CUBN: variants seen among roughly 807,000 people sequenced by gnomAD.
CUBN encodes the protein 460 kDa receptor.
CUBN carries 282 observed loss-of-function variants against 405.3 expected under a neutral mutation model. The observed-to-expected ratio is 0.70, with a 90% CI of 0.63 to 0.77. The LOEUF (loss-of-function observed/expected upper bound fraction) is 0.77. Among genes scored for constraint, CUBN ranks in the 30% least tolerant of loss-of-function variants. The probability of loss-of-function intolerance (pLI) is 0.00; values close to 1 mark genes in which losing one functional copy is unlikely to be tolerated. For synonymous variants in CUBN, 1,684 were observed against 1,617.0 expected, an observed-to-expected ratio of 1.04 and a Z score of -0.99; for missense variants, 4,514 against 4,475.2, an observed-to-expected ratio of 1.01 and a Z score of -0.25.
At position 16,870,146 on chromosome 10, in the gene CUBN, G is replaced by A. The variant is rs780824; in HGVS notation, c.9237-293C>T. Among the ~76,000 whole-genome samples, 52,568 of 152,010 alleles carry A rather than the reference G, an allele frequency of 0.35. 9,272 individuals carry two copies. The highest frequency in any genetic ancestry group is 0.42 in the East Asian group (2,172 of 5,164). On this transcript the variant is annotated intron_variant, in intron 58 of 66. Transcript: ENST00000377833. ...AATTCACAGTCTAGGGCATATTAAA[G>A]TCCATCTGAGAACAACTTTTGACAA... is the stretch of plus-strand genomic sequence containing the variant.
chr10:16,892,082 C>T (rs1841041624), intron 54 of CUBN, among the ~76,000 whole-genome samples: 1 of 152,176 alleles, frequency 6.6e-6, no homozygotes, highest in African/African-American at 2.4e-5. Context: ...TCATTAAAAA[C>T]ATTTCTATTG....
intron 19 of CUBN, among the ~76,000 whole-genome samples, chr10:17,069,005 TG>T (rs113718360): frequency 6.6e-6 from 1 of 152,162 alleles, no homozygotes; most frequent in African/African-American, 2.4e-5. Flanking sequence ...CTCTGTAGAT[TG>T]CCCATTTTGG....
chr10:17,096,402 A>G (rs1207181811), intron 14 of CUBN, among the ~76,000 whole-genome samples: 2 of 152,134 alleles, frequency 1.3e-5, no homozygotes, highest in East Asian at 3.8e-4. Context: ...TGTACATCTT[A>G]AATATATATA....
At chr10:16,941,962 C>T (rs996124249) in intron 36 of CUBN, among the ~76,000 whole-genome samples, 1 of 151,920 alleles carries the variant, frequency 6.6e-6, no homozygotes, top group Non-Finnish European at 1.5e-5. Context: ...AAAGGAATTC[C>T]TACAGATAAT....
intron 48 of CUBN, among the ~76,000 whole-genome samples, 192 bp downstream of exon 48, chr10:16,913,619 C>A (rs562030216): frequency 9.1e-4 from 139 of 152,308 alleles, no homozygotes; most frequent in Non-Finnish European, 1.5e-3. Flanking sequence ...AGCTGATAGT[C>A]TCTTCAAACA....
intron 9 of CUBN, 49 bp downstream of exon 9, chr10:17,110,870 G>A (rs1323208205): frequency 6.2e-7 from 1 of 1,613,350 alleles, no homozygotes; most frequent in Non-Finnish European, 8.5e-7. Context: ...TCCTATGTCT[G>A]TGTTCCCTGT....
chr10:16,958,325 C>T (rs546578120), intron 31 of CUBN, among the ~76,000 whole-genome samples: 1 of 152,210 alleles, frequency 6.6e-6, no homozygotes, highest in Admixed American at 6.5e-5. Flanking sequence ...TTCTCAAGAC[C>T]AGCCTGGCCA....
intron 28 of CUBN, among the ~76,000 whole-genome samples, chr10:17,008,146 G>A (rs1052549222): frequency 9.2e-5 from 14 of 151,464 alleles, no homozygotes; most frequent in African/African-American, 1.2e-4. Context: ...ATGACACCTC[G>A]TCTCAAAAAA....
At chr10:16,871,958 C>T (rs537817478) in intron 58 of CUBN, among the ~76,000 whole-genome samples, 1 of 152,290 alleles carries the variant, frequency 6.6e-6, no homozygotes, top group East Asian at 1.9e-4. Flanking sequence ...GGTGTGGTGG[C>T]TCACACCTGC....
At chr10:17,034,248 G>A (rs960978735) in intron 27 of CUBN, among the ~76,000 whole-genome samples, 2 of 152,148 alleles carry the variant, frequency 1.3e-5, no homozygotes, top group Admixed American at 6.5e-5. Context: ...AAGGAAAAGG[G>A]GGAGAAAGTT....
intron 22 of CUBN, 128 bp downstream of exon 22, chr10:17,065,380 T>G: frequency 2.5e-6 from 3 of 1,207,654 alleles, no homozygotes; most frequent in South Asian, 2.4e-5. Flanking sequence ...GTCACTACCC[T>G]TTATTCTAAA....
chr10:16,945,896 G>A (rs1842765573), intron 36 of CUBN, among the ~76,000 whole-genome samples: 1 of 151,902 alleles, frequency 6.6e-6, no homozygotes, highest in East Asian at 1.9e-4. Context: ...CCCTGAAGAG[G>A]CTCTGTCTGA....
intron 50 of CUBN, among the ~76,000 whole-genome samples, chr10:16,904,996 A>G (rs1408542933): frequency 6.6e-6 from 1 of 152,194 alleles, no homozygotes; most frequent in Non-Finnish European, 1.5e-5. Context: ...TACAGGCTCT[A>G]TCAAATTCTC....
intron 43 of CUBN, among the ~76,000 whole-genome samples, chr10:16,921,373 G>A (rs1448524111): frequency 6.6e-6 from 1 of 151,970 alleles, no homozygotes; most frequent in East Asian, 1.9e-4. Flanking sequence ...TCTGGATCAA[G>A]TTCCCATCCT....
intron 57 of CUBN, among the ~76,000 whole-genome samples, chr10:16,874,760 G>A (rs537255623): frequency 9.9e-5 from 15 of 152,160 alleles, no homozygotes; most frequent in Non-Finnish European, 1.6e-4. Context: ...GAATCAGTCT[G>A]AGTCAAATTA....
Position 16,869,863 on chromosome 10 carries a change from G to T in CUBN, c.9237-10C>A. ...ATCAAAATCACTGAACCTGTGAAAT[G>T]TACCTTGTTAATACTGATGTTTCCA... On this transcript the variant is annotated splice_polypyrimidine_tract_variant and intron_variant, in intron 58 of 66. Coordinates refer to ENST00000377833, the MANE Select transcript of CUBN (RefSeq NM_001081.4). The T allele has an allele frequency of 6.4e-7, 1 of 1,573,580 alleles. No homozygotes were observed. The highest frequency in any genetic ancestry group is 8.7e-7 in the Non-Finnish European group (1 of 1,143,118).
chr10:17,067,776 G>A (rs960380054), intron 21 of CUBN, among the ~76,000 whole-genome samples: 1 of 152,120 alleles, frequency 6.6e-6, no homozygotes, highest in Non-Finnish European at 1.5e-5. Context: ...CTGTGGGTGG[G>A]GGTGAGGAAC....
chr10:17,058,479 T>C (rs1248134814), intron 22 of CUBN, among the ~76,000 whole-genome samples: 5 of 151,982 alleles, frequency 3.3e-5, no homozygotes, highest in Non-Finnish European at 5.9e-5. Context: ...TAATAAAGAA[T>C]ACATAAAATT....
chr10:17,095,005 A>G (rs1836341334), intron 14 of CUBN, among the ~76,000 whole-genome samples: 1 of 152,074 alleles, frequency 6.6e-6, no homozygotes, highest in South Asian at 2.1e-4. Context: ...ATTTTAAAAT[A>G]TATTACAAAA....
Sources: allele counts gnomAD v4.1 joint callset (sites outside exome capture counted in the v4.1 genomes callset), GRCh38; gene constraint gnomAD v4.1.1; transcripts MANE v1.5; gene names NCBI Gene and HGNC (gene_info 2026-07-23, HGNC 2026-07-21).